Variants in NFIA observed in about 807,000 individuals in gnomAD.
The protein encoded by NFIA is nuclear factor I A.
A neutral mutation model predicts 62.8 loss-of-function variants in NFIA; 8 were observed. The observed-to-expected ratio is 0.13, with a 90% confidence interval of 0.07 to 0.23. The LOEUF is 0.23. Among genes scored for constraint, NFIA ranks in the 10% least tolerant of loss-of-function variants. NFIA has a pLI of 1.00. For synonymous variants in NFIA, 235 were observed against 238.1 expected, an observed-to-expected ratio of 0.99 and a Z score of 0.12; for missense variants, 410 against 642.1, an observed-to-expected ratio of 0.64 and a Z score of 3.91.
At chr1:61,100,235 A>G (rs1172853981) in intron 2 of NFIA, among the ~76,000 whole-genome samples, 2 of 152,288 alleles carry the variant, frequency 1.3e-5, no homozygotes, top group Middle Eastern at 3.4e-3. Flanking sequence ...CTCGGAAACT[A>G]TGGAGACGGG....
intron 3 of NFIA, among the ~76,000 whole-genome samples, chr1:61,330,562 T>C (rs1311316667): frequency 1.3e-5 from 2 of 150,108 alleles, no homozygotes; most frequent in Non-Finnish European, 3.0e-5. Flanking sequence ...CAGGAGAGGG[T>C]GGTAATTTGA....
intron 3 of NFIA, among the ~76,000 whole-genome samples, chr1:61,297,846 A>T (rs1424026916): frequency 2.0e-5 from 3 of 152,196 alleles, no homozygotes; most frequent in African/African-American, 2.4e-5. Context: ...GTTAGATTTC[A>T]ACCAGCAGAG....
intron 3 of NFIA, among the ~76,000 whole-genome samples, chr1:61,290,013 C>CT (rs34503737): frequency 0.64 from 90,194 of 140,568 alleles, 29,482 homozygotes; most frequent in East Asian, 0.73. Flanking sequence ...TTTTAAGTTT[C>CT]TTTTTTTTTT....
chr1:61,196,483 G>A (rs1353545781), intron 2 of NFIA, among the ~76,000 whole-genome samples: 1 of 152,144 alleles, frequency 6.6e-6, no homozygotes, highest in Non-Finnish European at 1.5e-5. Context: ...AAGGGTACAT[G>A]TAAATACATT....
chr1:61,406,542 T>TGGGGGGGGGGG lies in NFIA; in HGVS notation c.1255-19_1255-18insGGGGGGGGGGG. 96 of 1,253,664 alleles carry TGGGGGGGGGGG rather than the reference T, an allele frequency of 7.7e-5. No individual in the cohort carries two copies. The highest frequency in any genetic ancestry group is 3.4e-4 in the East Asian group (11 of 32,714). 77.7% of individuals were successfully genotyped at this position (1,253,664 alleles called of 1,614,324 possible). On this transcript the variant is annotated intron_variant, in intron 8 of 10. Coordinates refer to ENST00000403491, the MANE Select transcript of NFIA (RefSeq NM_001134673.4). ...TTCTTTTTCTTGTACGTGTGTTTTC[T>TGGGGGGGGGGG]GCCCCCCCCCCCCCCACAGCCCAAT...
Position 61,141,920 on chromosome 1 carries a change from C to G in NFIA, c.559+53240C>G, listed in dbSNP as rs192863368. 1.0e-3 allele frequency among the ~76,000 whole-genome samples: 156 copies of G among 152,260 alleles called. 1 individual carries two copies. Among genetic ancestry groups the G allele is most frequent in the Admixed American group, 2.1e-3 (32 of 15,300 alleles). On this transcript the variant is annotated intron_variant, in intron 2 of 10. Transcript: ENST00000403491. ...GCCAAATTGCCCAATAATCTGCCCC[C>G]GTGATGGTGAGGTGTTTGCGGCCAT...
At chr1:61,262,355 G>A (rs1050596410) in intron 2 of NFIA, among the ~76,000 whole-genome samples, 66 of 152,188 alleles carry the variant, frequency 4.3e-4, no homozygotes, top group African/African-American at 1.5e-3. Flanking sequence ...TCTACTACTG[G>A]TGAGATGTTA....
chr1:61,456,815 AAAAC>A lies in NFIA; in HGVS notation c.*1499_*1502del, dbSNP rs1430944249. 7.1e-6 allele frequency: 1 copy of A among 140,778 alleles called. No homozygotes were observed. Among genetic ancestry groups the A allele is most frequent in the Non-Finnish European group, 1.5e-5 (1 of 67,034 alleles). 8.7% of individuals were successfully genotyped at this position (140,778 alleles called of 1,614,324 possible). A position where few individuals can be genotyped will look rare whatever the true frequency, so the allele number is the denominator to read the frequency against. On this transcript the variant is annotated 3_prime_UTR_variant, in exon 11 of 11. Transcript: ENST00000403491. ...CTTATGAAAAAAAAAACAAAAAACA[AAAAC>A]AAAAAAAAAACACAAAAAACCACAG...
In NFIA at chr1:61,217,210, C is replaced by A. The variant is rs542581754; in HGVS notation, c.560-60310C>A. ...TAGCTGGGACTGCCGGCACATGCCA[C>A]CACACCTTGCTAATTTTTTTTTTTT... On this transcript the variant is annotated intron_variant, in intron 2 of 10. Coordinates refer to ENST00000403491, the MANE Select transcript of NFIA (RefSeq NM_001134673.4). Among the ~76,000 whole-genome samples the A allele has an allele frequency of 6.0e-5, 9 of 151,052 alleles. No individual in the cohort carries two copies. The South Asian group carries it at 1.9e-3, about 32-fold the overall frequency.
intron 2 of NFIA, among the ~76,000 whole-genome samples, chr1:61,245,154 A>C (rs777571111): frequency 1.1e-4 from 17 of 152,156 alleles, no homozygotes; most frequent in Non-Finnish European, 1.9e-4. Context: ...GTTTTTGCTA[A>C]CTTTCAACCT....
intron 2 of NFIA, among the ~76,000 whole-genome samples, chr1:61,231,504 T>TTA (rs1654666746): frequency 6.6e-6 from 1 of 152,114 alleles, no homozygotes; most frequent in South Asian, 2.1e-4. Context: ...GACACAATTA[T>TTA]TATATATATG....
chr1:61,185,785 CCTTTCAGTT>C (rs1197953067), intron 2 of NFIA, among the ~76,000 whole-genome samples: 5 of 152,124 alleles, frequency 3.3e-5, no homozygotes, highest in African/African-American at 1.2e-4. Flanking sequence ...CTTATTCTTA[CCTTTCAGTT>C]CTTTCAGTTC....
intron 2 of NFIA, among the ~76,000 whole-genome samples, chr1:61,099,978 G>T (rs905533846): frequency 1.4e-4 from 21 of 152,072 alleles, no homozygotes; most frequent in African/African-American, 5.1e-4. Context: ...CCCTTCTATG[G>T]CCTGTTTTTA....
chr1:61,435,388 A>G (rs1667280613), intron 10 of NFIA, among the ~76,000 whole-genome samples: 1 of 152,158 alleles, frequency 6.6e-6, no homozygotes, highest in Non-Finnish European at 1.5e-5. Context: ...GAAATCTGTG[A>G]GTGAGTGGTT....
At chr1:61,426,791 A>G (rs924262737) in intron 10 of NFIA, among the ~76,000 whole-genome samples, 2 of 152,146 alleles carry the variant, frequency 1.3e-5, no homozygotes, top group Non-Finnish European at 2.9e-5. Context: ...GCTATGGCAC[A>G]AAAAGGTTTC....
chr1:61,297,020 A>G (rs1237630818), intron 3 of NFIA, among the ~76,000 whole-genome samples: 1 of 152,224 alleles, frequency 6.6e-6, no homozygotes, highest in African/African-American at 2.4e-5. Context: ...CTGGTGGAGA[A>G]GAGCTTCCTT....
At chr1:61,136,720 A>G (rs1647198758) in intron 2 of NFIA, among the ~76,000 whole-genome samples, 1 of 152,030 alleles carries the variant, frequency 6.6e-6, no homozygotes, top group Non-Finnish European at 1.5e-5. Context: ...ATATGCTGGG[A>G]GACACAATTA....
chr1:61,347,469 G>A (rs921621149), intron 4 of NFIA, among the ~76,000 whole-genome samples: 2 of 151,992 alleles, frequency 1.3e-5, no homozygotes, highest in Non-Finnish European at 1.5e-5. Flanking sequence ...CACCGTGCCC[G>A]GCCCACTTTG....
At chr1:61,436,812 T>A (rs982348668) in intron 10 of NFIA, among the ~76,000 whole-genome samples, 10 of 152,236 alleles carry the variant, frequency 6.6e-5, no homozygotes, top group African/African-American at 2.2e-4. Flanking sequence ...GAATTTTTCT[T>A]AAGGTCTCAC....
Sources: gnomAD v4.1 joint callset for allele counts (sites outside exome capture counted in the v4.1 genomes callset) on GRCh38, gnomAD v4.1.1 for gene constraint, MANE v1.5 for transcripts, NCBI Gene and HGNC (gene_info 2026-07-23, HGNC 2026-07-21) for gene names.